The following ZNF385D variants were observed in gnomAD, a reference collection of about 807,000 sequenced individuals.
ZNF385D encodes the protein zinc finger protein 385D, also known as zinc finger protein 659.
In ZNF385D, 15 loss-of-function variants were observed where a neutral mutation model predicts 35.8. The ratio of observed to expected loss-of-function variants is 0.42; its 90% CI spans 0.28 to 0.64. The LOEUF (loss-of-function observed/expected upper bound fraction) is 0.64, where lower values mean the gene tolerates loss of function less well. ZNF385D is among the 30% of genes least tolerant of loss of function. ZNF385D has a pLI of 0.23. For synonymous variants in ZNF385D, 212 were observed against 186.8 expected (o/e 1.13, Z -1.10); for missense variants, 474 against 494.6 (o/e 0.96, Z 0.39).
intron 3 of ZNF385D, among the ~76,000 whole-genome samples, chr3:21,812,657 C>A (rs745785180): frequency 5.9e-5 from 9 of 152,182 alleles, no homozygotes; most frequent in Non-Finnish European, 1.2e-4. Flanking sequence ...GAGGGGAGTG[C>A]GCCATTGCTG....
At chr3:21,492,970 C>CT (rs1354065656) in intron 4 of ZNF385D, among the ~76,000 whole-genome samples, 2 of 151,856 alleles carry the variant, frequency 1.3e-5, no homozygotes, top group Non-Finnish European at 2.9e-5. Context: ...TGCATTATAT[C>CT]ATTATTCCAG....
intron 3 of ZNF385D, among the ~76,000 whole-genome samples, chr3:21,893,759 G>A (rs9826400): frequency 6.6e-6 from 1 of 151,954 alleles, no homozygotes; most frequent in Non-Finnish European, 1.5e-5. Flanking sequence ...AGAACTCAGA[G>A]AATTAAAAAA....
chr3:21,786,638 G>C (rs940361130), intron 3 of ZNF385D, among the ~76,000 whole-genome samples: 9 of 152,130 alleles, frequency 5.9e-5, no homozygotes, highest in African/African-American at 2.2e-4. Flanking sequence ...ACTGTGATCT[G>C]GAACAGTACA....
chr3:21,527,775 T>C (rs999868531), intron 3 of ZNF385D, among the ~76,000 whole-genome samples: 2 of 151,922 alleles, frequency 1.3e-5, no homozygotes, highest in East Asian at 3.9e-4. Context: ...AAAAAACTAT[T>C]TCTTCTAAGC....
intron 3 of ZNF385D, among the ~76,000 whole-genome samples, chr3:22,045,547 T>A (rs1445958135): frequency 6.6e-6 from 1 of 152,130 alleles, no homozygotes; most frequent in Non-Finnish European, 1.5e-5. Context: ...TATTTAGAAA[T>A]TCAGGTGTGA....
rs74676311 is a variant in ZNF385D, at chr3:22,227,521, C to T, written c.107-58486G>A. Among the ~76,000 whole-genome samples the T allele has an allele frequency of 8.2e-3, 1,242 of 152,254 alleles. 36 individuals carry two copies. The highest frequency in any genetic ancestry group is 0.068 in the East Asian group (353 of 5,158). ...TCACATTTTGACACAGTTGTCTTGGCTTCAATCATGAACAACAAATGAAGT... is the reference window on the plus strand; with the variant it reads ...TCACATTTTGACACAGTTGTCTTGGTTTCAATCATGAACAACAAATGAAGT... On this transcript the variant is annotated intron_variant, in intron 2 of 5. Transcript: ENST00000494108.
chr3:21,605,685 T>C (rs2064458117), intron 2 of ZNF385D, among the ~76,000 whole-genome samples: 1 of 152,156 alleles, frequency 6.6e-6, no homozygotes, highest in South Asian at 2.1e-4. Flanking sequence ...AAAATGGAGA[T>C]GACAATAGCA....
intron 3 of ZNF385D, among the ~76,000 whole-genome samples, chr3:21,531,572 A>G (rs1403805733): frequency 2.0e-5 from 3 of 152,224 alleles, no homozygotes; most frequent in African/African-American, 4.8e-5. Context: ...ACATTATTCA[A>G]TGCTAAAAAG....
At chr3:22,103,163 G>A (rs1425001171) in intron 3 of ZNF385D, among the ~76,000 whole-genome samples, 3 of 150,684 alleles carry the variant, frequency 2.0e-5, no homozygotes, top group Admixed American at 1.3e-4. Context: ...TACTGCGGTT[G>A]TACAAACCTC....
At position 22,050,323 on chromosome 3, in the gene ZNF385D, T is replaced by C. The variant is rs144559917; in HGVS notation, c.325+118494A>G. 6.5e-4 allele frequency among the ~76,000 whole-genome samples: 99 copies of C among 151,918 alleles called. 1 individual carries two copies. The East Asian group carries it at 0.014, about 21-fold the overall frequency. ...GCTCCAGTGAAGCATGATTGTGCCATTGCACTCCAGCCTGAGTGACAGAGC... is the reference window on the plus strand; with the variant it reads ...GCTCCAGTGAAGCATGATTGTGCCACTGCACTCCAGCCTGAGTGACAGAGC... On this transcript the variant is annotated intron_variant, in intron 3 of 5. Transcript: ENST00000494108.
intron 3 of ZNF385D, among the ~76,000 whole-genome samples, chr3:21,893,118 C>G (rs756545982): frequency 1.3e-5 from 2 of 152,022 alleles, no homozygotes; most frequent in Non-Finnish European, 2.9e-5. Flanking sequence ...AAGTAAGTCA[C>G]GTAACCTCTC....
intron 3 of ZNF385D, among the ~76,000 whole-genome samples, chr3:22,065,730 A>T (rs932261760): frequency 7.9e-5 from 12 of 152,330 alleles, no homozygotes; most frequent in African/African-American, 2.9e-4. Flanking sequence ...AACATAACAC[A>T]CACTGCATAA....
chr3:21,904,302 C>CAAAAAAAAAA (rs548922115), intron 3 of ZNF385D, among the ~76,000 whole-genome samples: 2 of 79,254 alleles, frequency 2.5e-5, no homozygotes, highest in Non-Finnish European at 5.1e-5. Context: ...GACTCCATCT[C>CAAAAAAAAAA]AAAAAAAAAA....
chr3:22,281,395 C>G (rs1030251552), intron 2 of ZNF385D, among the ~76,000 whole-genome samples: 30 of 151,942 alleles, frequency 2.0e-4, no homozygotes, highest in African/African-American at 6.3e-4. Context: ...CTTTTATTAC[C>G]CTAAGATATG....
At chr3:21,878,669 T>C (rs1575824277) in intron 3 of ZNF385D, among the ~76,000 whole-genome samples, 2 of 152,070 alleles carry the variant, frequency 1.3e-5, no homozygotes, top group Admixed American at 1.3e-4. Context: ...AATGCTCTCA[T>C]TGAAACAAGT....
At chr3:21,983,973 G>A (rs928405816) in intron 3 of ZNF385D, among the ~76,000 whole-genome samples, 10 of 136,406 alleles carry the variant, frequency 7.3e-5, no homozygotes, top group African/African-American at 2.5e-4. Flanking sequence ...CTTTTGAGAA[G>A]TGTCTGTTCA....
chr3:22,360,789 A>G (rs1696374668), intron 2 of ZNF385D, among the ~76,000 whole-genome samples: 1 of 152,048 alleles, frequency 6.6e-6, no homozygotes, highest in Non-Finnish European at 1.5e-5. Flanking sequence ...TTTAATGTTT[A>G]GACTCTCCTT....
intron 3 of ZNF385D, among the ~76,000 whole-genome samples, chr3:22,071,413 A>G (rs2878721): frequency 0.13 from 20,314 of 152,148 alleles, 1,744 homozygotes; most frequent in Non-Finnish European, 0.17. Flanking sequence ...AATATTATCC[A>G]GCTTCATACT....
intron 2 of ZNF385D, among the ~76,000 whole-genome samples, chr3:21,590,703 C>A (rs576394783): frequency 2.0e-5 from 3 of 151,766 alleles, no homozygotes; most frequent in African/African-American, 7.3e-5. Context: ...GGGAGATGAG[C>A]GGAGGATGTA....
Sources: gnomAD v4.1 joint callset for allele counts (sites outside exome capture counted in the v4.1 genomes callset) on GRCh38, gnomAD v4.1.1 for gene constraint, MANE v1.5 for transcripts, NCBI Gene and HGNC (gene_info 2026-07-23, HGNC 2026-07-21) for gene names.